DNAH12: variants seen among roughly 807,000 people sequenced by gnomAD.
The protein encoded by DNAH12 is axonemal beta dynein heavy chain 12.
DNAH12 carries 285 observed loss-of-function variants against 371.5 expected under a neutral mutation model. That is an observed-to-expected ratio of 0.77 (90% confidence interval 0.70 to 0.85). DNAH12 has a LOEUF of 0.85. DNAH12 is among the 40% of genes least tolerant of loss of function. The probability of loss-of-function intolerance (pLI) is 0.00; values close to 1 mark genes in which losing one functional copy is unlikely to be tolerated. For synonymous variants in DNAH12, 1,200 were observed against 1,213.0 expected, an observed-to-expected ratio of 0.99 and a Z score of 0.22; for missense variants, 3,611 against 3,689.4, an observed-to-expected ratio of 0.98 and a Z score of 0.55.
intron 60 of DNAH12, among the ~76,000 whole-genome samples, chr3:57,339,838 G>C (rs1439174849): frequency 6.6e-6 from 1 of 152,130 alleles, no homozygotes; most frequent in South Asian, 2.1e-4. Flanking sequence ...GGGAGGCTAA[G>C]GCAGGCAGAT....
chr3:57,537,649 T>C (rs1426019183), intron 2 of DNAH12, among the ~76,000 whole-genome samples: 1 of 152,114 alleles, frequency 6.6e-6, no homozygotes, highest in Non-Finnish European at 1.5e-5. Flanking sequence ...AAAAAACCTT[T>C]AATTTTATCA....
chr3:57,456,183 A>G (rs528757496), intron 22 of DNAH12, among the ~76,000 whole-genome samples: 4 of 152,372 alleles, frequency 2.6e-5, no homozygotes, highest in Non-Finnish European at 4.4e-5. Flanking sequence ...AAATACTTTC[A>G]TGGACAATGG....
At chr3:57,518,599 G>A (rs1191819318) in intron 4 of DNAH12, among the ~76,000 whole-genome samples, 3 of 152,100 alleles carry the variant, frequency 2.0e-5, no homozygotes, top group South Asian at 2.1e-4. Flanking sequence ...GATAAGAGAT[G>A]AAGCTCTGAT....
intron 40 of DNAH12, among the ~76,000 whole-genome samples, chr3:57,406,356 C>CAA (rs782271639): frequency 0.092 from 8,842 of 95,896 alleles, 1,127 homozygotes; most frequent in African/African-American, 0.3. Context: ...GATTCTGCCT[C>CAA]AAAAAAAAAA....
chr3:57,334,655 T>G, intron 61 of DNAH12, 46 bp from the exon 62 acceptor site: 1 of 1,516,738 alleles, frequency 6.6e-7, no homozygotes, highest in Non-Finnish European at 8.8e-7. Context: ...TGGGAAAAAC[T>G]TAAAAGAGAT....
rs559468508 is a variant in DNAH12, at chr3:57,339,086, C to T, written c.9675-4146G>A. Reference sequence around the variant, plus strand: ...TAATCTATAACCTTACCCCCAACCCCGTGCTCTCTGAAACATGTGCTGTGT... The same window carrying T: ...TAATCTATAACCTTACCCCCAACCCTGTGCTCTCTGAAACATGTGCTGTGT... On this transcript the variant is annotated intron_variant, in intron 60 of 73. Transcript: ENST00000495027. Among the ~76,000 whole-genome samples the T allele has an allele frequency of 3.2e-3, 489 of 152,246 alleles. 4 individuals carry two copies. The highest frequency in any genetic ancestry group is 0.011 in the African/African-American group (439 of 41,548).
At chr3:57,501,535 C>G in intron 10 of DNAH12, 123 bp from the exon 11 acceptor site, 1 of 636,374 alleles carries the variant, frequency 1.6e-6, no homozygotes, top group Non-Finnish European at 2.6e-6. Flanking sequence ...AGAGTATTAA[C>G]ATACATGATT....
chr3:57,412,036 T>A (rs2064223573), intron 39 of DNAH12, among the ~76,000 whole-genome samples: 2 of 152,294 alleles, frequency 1.3e-5, no homozygotes, highest in South Asian at 4.1e-4. Context: ...TACAGTTAAC[T>A]AATCTTTGAC....
At chr3:57,306,464 T>C in intron 69 of DNAH12, among the ~76,000 whole-genome samples, 1 of 151,958 alleles carries the variant, frequency 6.6e-6, no homozygotes, top group African/African-American at 2.4e-5. Flanking sequence ...TTTAACTAAA[T>C]TATCTGCTTC....
In DNAH12 at chr3:57,408,494, A is replaced by G; in HGVS notation, c.6062T>C (p.Ile2021Thr). The change falls in exon 40 of 74, where the codon ATA (isoleucine) becomes ACA (threonine). Residue 2021 changes from isoleucine (I) to threonine (T), a missense_variant. By Grantham distance (89) the Ile-to-Thr change is moderately conservative (BLOSUM62 -1). Around this residue, in one of 3 missense-constraint regions of DNAH12, gnomAD observed 2,266 missense variants for 2,236.9 expected, o/e 1.01. Coordinates refer to ENST00000495027, the MANE Select transcript of DNAH12 (RefSeq NM_001366028.2). Reference sequence around the variant, plus strand: ...AGGGCCCATTGCAGCAATCAGCTCTATGTCCACCAGCGTGATTTTACTTGT... The same window carrying G: ...AGGGCCCATTGCAGCAATCAGCTCTGTGTCCACCAGCGTGATTTTACTTGT... ...KDTSKITLVD[I>T]ELIAAMGPPG... 3 of 1,550,908 alleles carry G rather than the reference A, an allele frequency of 1.9e-6. No individual in the cohort carries two copies. Among genetic ancestry groups the G allele is most frequent in the Non-Finnish European group, 2.6e-6 (3 of 1,146,660 alleles).
rs141418729 is a variant in DNAH12, at chr3:57,538,074, C to T, written c.170+4627G>A. The stretch of plus-strand genomic sequence containing the variant: ...ATATACTTAAAGTTTTTGAAAGTAG[C>T]GAAAAGAAACACACACAAGATAAAG... On this transcript the variant is annotated intron_variant, in intron 2 of 73. Transcript: ENST00000495027. Among the ~76,000 whole-genome samples, 62 of 151,778 alleles carry T rather than the reference C, an allele frequency of 4.1e-4. 1 individual carries two copies. The Middle Eastern group carries it at 0.014, about 33-fold the overall frequency.
chr3:57,452,954 C>T lies in DNAH12; in HGVS notation c.3675G>A (p.Glu1225=). The change falls in exon 25 of 74, where the codon GAG becomes GAA. Residue 1225 remains glutamate, a synonymous_variant. Transcript: ENST00000495027. ...LAQLRYYWEN[E]NARVRIINCN... is the part of the protein sequence containing the mutation. ...AATTAATGATACGAACTCGGGCATTCTCATTTTCCCAATAATATCGGAGCT... is the reference window on the plus strand; with the variant it reads ...AATTAATGATACGAACTCGGGCATTTTCATTTTCCCAATAATATCGGAGCT... The T allele has an allele frequency of 6.4e-7, 1 of 1,551,224 alleles. No individual in the cohort carries two copies. The highest frequency in any genetic ancestry group is 8.7e-7 in the Non-Finnish European group (1 of 1,146,904).
At chr3:57,328,585 C>T (rs2153302243) in intron 62 of DNAH12, among the ~76,000 whole-genome samples, 2 of 151,906 alleles carry the variant, frequency 1.3e-5, no homozygotes, top group Admixed American at 1.3e-4. Context: ...CTATCCATGA[C>T]AAACCCACAG....
At chr3:57,343,046 TG>T (rs1258127094) in intron 60 of DNAH12, among the ~76,000 whole-genome samples, 2 of 151,704 alleles carry the variant, frequency 1.3e-5, no homozygotes, top group Non-Finnish European at 2.9e-5. Context: ...CACTCTAGCC[TG>T]GGTGACAGAG....
intron 37 of DNAH12, 147 bp from the exon 38 acceptor site, chr3:57,415,711 A>G: frequency 1.3e-6 from 1 of 755,616 alleles, no homozygotes; most frequent in Middle Eastern, 4.0e-4. Context: ...TTCATGAAAG[A>G]CAGATAAAAG....
chr3:57,427,628 T>G (rs149971117), intron 34 of DNAH12, among the ~76,000 whole-genome samples: 178 of 152,192 alleles, frequency 1.2e-3, no homozygotes, highest in African/African-American at 4.0e-3. Flanking sequence ...AGACAGAGGT[T>G]GCGGTGAACC....
chr3:57,505,486 G>C (rs889880203), intron 8 of DNAH12, among the ~76,000 whole-genome samples: 1 of 152,018 alleles, frequency 6.6e-6, no homozygotes, highest in African/African-American at 2.4e-5. Context: ...TGTCGGTCAG[G>C]CTGGAGTGCA....
chr3:57,351,431 G>A (rs568275307), intron 60 of DNAH12, among the ~76,000 whole-genome samples: 2 of 152,258 alleles, frequency 1.3e-5, no homozygotes, highest in Middle Eastern at 3.4e-3. Flanking sequence ...CAACAGAAAC[G>A]TGTGCACATG....
At chr3:57,456,692 GC>G (rs1484074069) in intron 22 of DNAH12, among the ~76,000 whole-genome samples, 174 of 152,252 alleles carry the variant, frequency 1.1e-3, no homozygotes, top group African/African-American at 3.9e-3. Flanking sequence ...AGGATTGTTT[GC>G]CTATGAAACA....
Sources: allele counts gnomAD v4.1 joint callset (sites outside exome capture counted in the v4.1 genomes callset), GRCh38; gene constraint gnomAD v4.1.1; regional missense constraint gnomAD v4.1.1; transcripts MANE v1.5; gene names NCBI Gene and HGNC (gene_info 2026-07-23, HGNC 2026-07-21).